Variants in NIBAN2 observed in about 807,000 individuals in gnomAD.
NIBAN2 encodes the protein niban apoptosis regulator 2.
Under a neutral mutation model 81.8 loss-of-function variants are expected in NIBAN2, and 36 were observed. The observed-to-expected ratio is 0.44, with a 90% CI of 0.34 to 0.58. The LOEUF is 0.58. Ranked by LOEUF, NIBAN2 falls within the 20% of genes least tolerant of loss-of-function variation. The pLI, the probability that NIBAN2 is intolerant of heterozygous loss-of-function variation, is 0.02. For synonymous variants in NIBAN2, 445 were observed against 441.6 expected, an observed-to-expected ratio of 1.01 and a Z score of -0.10; for missense variants, 897 against 1,014.1, an observed-to-expected ratio of 0.88 and a Z score of 1.57.
rs368528304 is a variant in NIBAN2, at chr9:127,542,110, G to A, written c.56-10332C>T. Among the ~76,000 whole-genome samples the A allele has an allele frequency of 3.2e-3, 480 of 152,304 alleles. 1 individual carries two copies. Among genetic ancestry groups the A allele is most frequent in the African/African-American group, 0.011 (466 of 41,564 alleles). Reference sequence around the variant, plus strand: ...AGGGGCCACAGGGGAGTTGCCCAACGTTTCCTGGCTCAGAAACCTTCCAGT... The same window carrying A: ...AGGGGCCACAGGGGAGTTGCCCAACATTTCCTGGCTCAGAAACCTTCCAGT... On this transcript the variant is annotated intron_variant, in intron 1 of 13. Transcript: ENST00000373312.
rs1347917531 is a variant in NIBAN2, at chr9:127,507,683, GCA to G, written c.1654+182_1654+183del. Among the ~76,000 whole-genome samples the G allele has an allele frequency of 6.6e-6, 1 of 152,234 alleles. No homozygotes were observed. Among genetic ancestry groups the G allele is most frequent in the Non-Finnish European group, 1.5e-5 (1 of 68,034 alleles). On this transcript the variant is annotated intron_variant, in intron 13 of 13. Coordinates refer to ENST00000373312, the MANE Select transcript of NIBAN2 (RefSeq NM_022833.4). This position sits in a 1 kb window ranked among gnomAD's most constrained non-coding sequence, Gnocchi z 6.8. Reference sequence around the variant, plus strand: ...GCCAAGGACGCGAGAAGAAACTAAAGCACAGAGACGCAAGGCTAAGGCTGCTC... The same window carrying G: ...GCCAAGGACGCGAGAAGAAACTAAAGCAGAGACGCAAGGCTAAGGCTGCTC...
chr9:127,514,035 G>A (rs7847386), intron 8 of NIBAN2, among the ~76,000 whole-genome samples: 3 of 152,168 alleles, frequency 2.0e-5, no homozygotes, highest in East Asian at 1.9e-4. Flanking sequence ...TTGGGAGGCC[G>A]AGGCAGGAAG....
intron 1 of NIBAN2, among the ~76,000 whole-genome samples, chr9:127,560,530 C>T (rs544017665): frequency 2.0e-5 from 3 of 152,132 alleles, no homozygotes; most frequent in Non-Finnish European, 4.4e-5. Context: ...CTACCTCCCC[C>T]ATCCTGAGTC....
At chr9:127,562,067 G>A (rs972245060) in intron 1 of NIBAN2, among the ~76,000 whole-genome samples, 10 of 152,216 alleles carry the variant, frequency 6.6e-5, no homozygotes, top group Non-Finnish European at 1.2e-4. Flanking sequence ...GGGGGGCGCA[G>A]GGACGGAGAA....
chr9:127,565,946 T>TCACACACACA (rs10682812), intron 1 of NIBAN2, among the ~76,000 whole-genome samples: 1,357 of 130,580 alleles, frequency 0.01, 11 homozygotes, highest in African/African-American at 0.016. Context: ...TCTCTCTCTC[T>TCACACACACA]CACACACACA....
chr9:127,530,310 C>T (rs117149074), intron 2 of NIBAN2, among the ~76,000 whole-genome samples: 2 of 152,212 alleles, frequency 1.3e-5, no homozygotes, highest in East Asian at 3.9e-4. Flanking sequence ...TCCTGACCTC[C>T]CTCCACCGGG....
intron 5 of NIBAN2, among the ~76,000 whole-genome samples, chr9:127,521,726 A>G (rs532089207): frequency 6.6e-6 from 1 of 152,048 alleles, no homozygotes; most frequent in Non-Finnish European, 1.5e-5. Context: ...CCGGCAGGAC[A>G]CCTTCCTGGC....
At chr9:127,553,778 A>G (rs1837619351) in intron 1 of NIBAN2, among the ~76,000 whole-genome samples, 1 of 152,242 alleles carries the variant, frequency 6.6e-6, no homozygotes, top group African/African-American at 2.4e-5. Flanking sequence ...GAGCCGTAGC[A>G]TGATCCAGCT....
Position 127,563,098 on chromosome 9 carries a change from C to A in NIBAN2, c.55+5722G>T, listed in dbSNP as rs1007192943. Among the ~76,000 whole-genome samples the A allele has an allele frequency of 6.6e-6, 1 of 152,098 alleles. No homozygotes were observed. The highest frequency in any genetic ancestry group is 6.5e-5 in the Admixed American group (1 of 15,268). ...AGCAGGGAGGGCAGCCATGGCCCCG[C>A]GTGGGTTTAGAAAGGTCCCTTTGGC... On this transcript the variant is annotated intron_variant, in intron 1 of 13. Transcript: ENST00000373312. The surrounding 1 kb of genome is among the most constrained non-coding windows in gnomAD (Gnocchi z 4.1).
chr9:127,525,276 G>GGAA (rs148787804), intron 3 of NIBAN2, 113 bp from the exon 4 acceptor site: 129,492 of 650,702 alleles, frequency 0.2, 15,336 homozygotes, highest in Admixed American at 0.41. Flanking sequence ...AGAAGGGAAA[G>GGAA]GAAGAAGAGG....
At chr9:127,570,380 G>C (rs1197860265), upstream of NIBAN2, among the ~76,000 whole-genome samples, 1 of 152,132 alleles carries the variant, frequency 6.6e-6, no homozygotes, top group South Asian at 2.1e-4. Context: ...CTAGATGCTG[G>C]GGGTGAAAAG....
chr9:127,510,506 A>T (rs542481892), intron 8 of NIBAN2, among the ~76,000 whole-genome samples, 173 bp from the exon 9 acceptor site: 132 of 152,234 alleles, frequency 8.7e-4, no homozygotes, highest in Non-Finnish European at 1.6e-3. Context: ...GCGCGATCTC[A>T]GCTCACTGCA....
At chr9:127,529,318 G>C (rs1037151048) in intron 2 of NIBAN2, among the ~76,000 whole-genome samples, 1 of 152,356 alleles carries the variant, frequency 6.6e-6, no homozygotes, top group Admixed American at 6.5e-5. Flanking sequence ...GGGCCACGGG[G>C]CTGAGCAAAC....
Position 127,508,194 on chromosome 9 carries a change from C to G in NIBAN2, c.1441G>C (p.Asp481His). ...RVLERVLKKY[D>H]YDSSSVRKRF... The stretch of plus-strand genomic sequence containing the variant: ...TTCCGCACAGAGCTGCTGTCGTAGT[C>G]GTATTTCTGCAGGGAACAAGGGGGT... The change falls in exon 12 of 14, where the codon GAC becomes CAC. Residue 481 changes from aspartate (D) to histidine (H), a missense_variant. By Grantham distance (81) the Asp-to-His change is moderately conservative. Coordinates refer to ENST00000373312, the MANE Select transcript of NIBAN2 (RefSeq NM_022833.4). This position sits in a 1 kb window ranked among gnomAD's most constrained non-coding sequence, Gnocchi z 6.4. 6.2e-7 allele frequency: 1 copy of G among 1,613,016 alleles called. No individual in the cohort carries two copies. Among genetic ancestry groups the G allele is most frequent in the Non-Finnish European group, 8.5e-7 (1 of 1,179,546 alleles).
At chr9:127,572,102 A>G (rs1837956711), upstream of NIBAN2, among the ~76,000 whole-genome samples, 1 of 152,152 alleles carries the variant, frequency 6.6e-6, no homozygotes, top group Non-Finnish European at 1.5e-5. Context: ...TGGTGCAAAC[A>G]TGGACTCAGT....
intron 3 of NIBAN2, among the ~76,000 whole-genome samples, chr9:127,526,910 G>A (rs910074451): frequency 7.3e-5 from 11 of 151,516 alleles, no homozygotes; most frequent in Middle Eastern, 3.2e-3. Context: ...TGGAGGGACT[G>A]AAGAGAGATT....
intron 1 of NIBAN2, among the ~76,000 whole-genome samples, chr9:127,555,253 G>C (rs907950071): frequency 2.0e-5 from 3 of 152,156 alleles, no homozygotes; most frequent in Non-Finnish European, 1.5e-5. Context: ...CCAGGGCTTT[G>C]GGCCACCTTT....
At chr9:127,531,932 C>T (rs1016508252) in intron 1 of NIBAN2, among the ~76,000 whole-genome samples, 154 bp from the exon 2 acceptor site, 12 of 152,250 alleles carry the variant, frequency 7.9e-5, no homozygotes, top group African/African-American at 1.4e-4. Flanking sequence ...GCATTTCTGG[C>T]CAGAGCCCCG....
intron 1 of NIBAN2, among the ~76,000 whole-genome samples, chr9:127,557,528 C>T (rs935187746): frequency 3.3e-5 from 5 of 152,188 alleles, no homozygotes; most frequent in African/African-American, 7.2e-5. Context: ...TGCCAGGCTC[C>T]ACCCGGGGGC....
Sources: allele counts gnomAD v4.1 joint callset (sites outside exome capture counted in the v4.1 genomes callset), GRCh38; gene constraint gnomAD v4.1.1; non-coding constraint Gnocchi (gnomAD v3.1); transcripts MANE v1.5; gene names NCBI Gene and HGNC (gene_info 2026-07-23, HGNC 2026-07-21).